Variants in RBFOX1 observed in about 807,000 individuals in gnomAD.
The protein encoded by RBFOX1 is RNA binding protein fox-1 homolog 1.
A neutral mutation model predicts 57.7 loss-of-function variants in RBFOX1; 8 were observed. The observed-to-expected ratio is 0.14, with a 90% confidence interval of 0.08 to 0.25. RBFOX1 has a LOEUF of 0.25. RBFOX1 is among the 10% of genes least tolerant of loss of function. The pLI is 1.00. For missense variants in RBFOX1, 611 were observed against 548.5 expected, an observed-to-expected ratio of 1.11 and a Z score of -1.14; for synonymous variants, 326 against 222.4, an observed-to-expected ratio of 1.47 and a Z score of -4.15.
At chr16:5,578,642 A>G (rs1167175193) in intron 2 of RBFOX1, among the ~76,000 whole-genome samples, 2 of 152,154 alleles carry the variant, frequency 1.3e-5, no homozygotes, top group Non-Finnish European at 2.9e-5. Flanking sequence ...TTTAGCGCCA[A>G]CAGCTGTTAG....
At chr16:7,483,161 G>C (rs2064453639) in intron 4 of RBFOX1, among the ~76,000 whole-genome samples, 1 of 152,182 alleles carries the variant, frequency 6.6e-6, no homozygotes, top group Admixed American at 6.5e-5. Flanking sequence ...TGGGATCGCA[G>C]AGCAGTGCAG....
chr16:5,537,599 G>A (rs2044750467), intron 2 of RBFOX1, among the ~76,000 whole-genome samples: 1 of 152,140 alleles, frequency 6.6e-6, no homozygotes, highest in Admixed American at 6.5e-5. Flanking sequence ...CTCTTTTATT[G>A]CTGGCTGTAA....
chr16:7,171,683 A>C (rs1346711624), intron 4 of RBFOX1, among the ~76,000 whole-genome samples: 5 of 152,192 alleles, frequency 3.3e-5, no homozygotes, highest in African/African-American at 1.2e-4. Flanking sequence ...AAATGGATTT[A>C]GTTATAGGGT....
chr16:7,001,603 C>T (rs533375458), intron 3 of RBFOX1, among the ~76,000 whole-genome samples: 6 of 152,072 alleles, frequency 3.9e-5, no homozygotes, highest in East Asian at 1.9e-4. Context: ...ATTACAGGCA[C>T]GTGCCATCAC....
chr16:5,368,933 A>G (rs759286651), intron 1 of RBFOX1, among the ~76,000 whole-genome samples: 1 of 152,162 alleles, frequency 6.6e-6, no homozygotes, highest in Non-Finnish European at 1.5e-5. Flanking sequence ...CTCAATTCTC[A>G]CTATTCTAAC....
At chr16:7,492,704 TA>T (rs374051725) in intron 4 of RBFOX1, among the ~76,000 whole-genome samples, 1 of 151,966 alleles carries the variant, frequency 6.6e-6, no homozygotes, top group Non-Finnish European at 1.5e-5. Context: ...CCCTTGGTGG[TA>T]GTGGCATGAT....
chr16:7,488,716 A>G (rs985009454), intron 4 of RBFOX1, among the ~76,000 whole-genome samples: 7 of 152,176 alleles, frequency 4.6e-5, no homozygotes, highest in Non-Finnish European at 8.8e-5. Flanking sequence ...TTATCTAGCT[A>G]TACATTCATC....
At chr16:6,686,341 C>T (rs1438605272) in intron 3 of RBFOX1, among the ~76,000 whole-genome samples, 1 of 152,198 alleles carries the variant, frequency 6.6e-6, no homozygotes, top group Non-Finnish European at 1.5e-5. Context: ...CCTCGCCCCT[C>T]CTCCTTTGCT....
intron 4 of RBFOX1, among the ~76,000 whole-genome samples, chr16:5,919,876 C>T (rs951570726): frequency 2.0e-5 from 3 of 152,186 alleles, no homozygotes; most frequent in Admixed American, 2.0e-4. Flanking sequence ...GTGACCCTTT[C>T]TCTCTGCCTT....
At chr16:6,376,510 C>T (rs1376705589) in intron 2 of RBFOX1, among the ~76,000 whole-genome samples, 8 of 152,210 alleles carry the variant, frequency 5.3e-5, no homozygotes, top group Non-Finnish European at 1.2e-4. Context: ...CCCTGGCATT[C>T]TGCGGCTTGC....
At chr16:6,841,796 C>T (rs2093476997) in intron 3 of RBFOX1, among the ~76,000 whole-genome samples, 1 of 152,080 alleles carries the variant, frequency 6.6e-6, no homozygotes, top group African/African-American at 2.4e-5. Flanking sequence ...AGCCAGTGAA[C>T]ATCACTGTCT....
chr16:6,345,256 C>G (rs9925630), intron 2 of RBFOX1, among the ~76,000 whole-genome samples: 2,324 of 152,284 alleles, frequency 0.015, 49 homozygotes, highest in African/African-American at 0.052. Flanking sequence ...GTGTGTTAAA[C>G]AGTAACTTTT....
intron 2 of RBFOX1, among the ~76,000 whole-genome samples, chr16:5,540,238 G>A (rs1320430648): frequency 2.0e-5 from 3 of 152,158 alleles, no homozygotes; most frequent in African/African-American, 2.4e-5. Context: ...AATTCTCCAA[G>A]TTATTGGCTG....
At chr16:7,656,458 C>T (rs1303062207) in intron 12 of RBFOX1, among the ~76,000 whole-genome samples, 1 of 151,668 alleles carries the variant, frequency 6.6e-6, no homozygotes, top group Non-Finnish European at 1.5e-5. Flanking sequence ...GCAAGAACCC[C>T]TATCTTGTGT....
chr16:7,536,285 G>C (rs2081447192), intron 5 of RBFOX1, among the ~76,000 whole-genome samples: 2 of 152,224 alleles, frequency 1.3e-5, no homozygotes, highest in Admixed American at 6.5e-5. Context: ...CTTCCTTAAA[G>C]AAGTGACTTT....
chr16:6,625,494 G>A (rs1185237132), intron 2 of RBFOX1, among the ~76,000 whole-genome samples: 1 of 152,072 alleles, frequency 6.6e-6, no homozygotes, highest in Non-Finnish European at 1.5e-5. Context: ...CCTTTTCTAG[G>A]TATTTCTGAT....
At chr16:6,917,008 T>C (rs8056933) in intron 3 of RBFOX1, among the ~76,000 whole-genome samples, 102,195 of 151,904 alleles carry the variant, frequency 0.67, 34,475 homozygotes, top group Non-Finnish European at 0.71. Flanking sequence ...TGCCATCACA[T>C]CAGGCTAATT....
intron 4 of RBFOX1, among the ~76,000 whole-genome samples, chr16:5,968,259 G>C (rs2059890482): frequency 6.6e-6 from 1 of 152,064 alleles, no homozygotes. Context: ...ATTTTTAGTA[G>C]AGATGGGGTT....
chr16:6,878,541 G>C (rs189476375), intron 3 of RBFOX1, among the ~76,000 whole-genome samples: 6 of 152,248 alleles, frequency 3.9e-5, no homozygotes, highest in Admixed American at 2.6e-4. Flanking sequence ...TTAGATTTTG[G>C]AGTCATTTGT....
Sources: allele counts gnomAD v4.1 joint callset (sites outside exome capture counted in the v4.1 genomes callset), GRCh38; gene constraint gnomAD v4.1.1; transcripts MANE v1.5; gene names NCBI Gene and HGNC (gene_info 2026-07-23, HGNC 2026-07-21).